The following NFU1 variants were observed in gnomAD, a reference collection of about 807,000 sequenced individuals.
NFU1 encodes NFU1 iron-sulfur cluster scaffold, also known as NFU1 iron-sulfur cluster scaffold homolog, mitochondrial.
In NFU1, 30 loss-of-function variants were observed where a neutral mutation model predicts 32.2. The observed-to-expected ratio is 0.93, with a 90% confidence interval of 0.70 to 1.26. The LOEUF is 1.26. NFU1 is among the 50% of genes most tolerant of loss of function. The pLI is 0.00. For synonymous variants in NFU1, 112 were observed against 104.6 expected (o/e 1.07, Z -0.43); for missense variants, 306 against 306.6 (o/e 1.00, Z 0.02).
At chr2:69,418,015 T>G (rs1174077264) in intron 4 of NFU1, among the ~76,000 whole-genome samples, 1 of 152,164 alleles carries the variant, frequency 6.6e-6, no homozygotes. Context: ...TTAGATAACA[T>G]ATGTAAAGCA....
intron 5 of NFU1, among the ~76,000 whole-genome samples, chr2:69,412,070 G>C (rs1672899292): frequency 6.6e-6 from 1 of 152,112 alleles, no homozygotes; most frequent in Non-Finnish European, 1.5e-5. Context: ...TTTTGGCGGG[G>C]GGACGGAGTC....
chr2:69,407,356 C>T (rs1020960454), intron 5 of NFU1, among the ~76,000 whole-genome samples: 2 of 152,058 alleles, frequency 1.3e-5, no homozygotes. Context: ...CTGGCAACCC[C>T]TAAAATTAAA....
At chr2:69,416,340 TA>T (rs1252768888) in intron 4 of NFU1, 2 of 145,944 alleles carry the variant, frequency 1.4e-5, no homozygotes, top group African/African-American at 5.1e-5. Context: ...AATATTTAAT[TA>T]ATTTAAATAT....
At chr2:69,413,950 G>C (rs1672972417) in intron 5 of NFU1, among the ~76,000 whole-genome samples, 1 of 151,574 alleles carries the variant, frequency 6.6e-6, no homozygotes, top group Non-Finnish European at 1.5e-5. Flanking sequence ...GGAAGGCTGA[G>C]GCAGGAGAAT....
chr2:69,396,719 TCTC>T (rs1438202949), intron 7 of NFU1, among the ~76,000 whole-genome samples: 1 of 152,168 alleles, frequency 6.6e-6, no homozygotes, highest in South Asian at 2.1e-4. Context: ...ATTGATCACT[TCTC>T]CTTGTCTCAA....
chr2:69,425,037 C>T (rs1010885924), intron 2 of NFU1, among the ~76,000 whole-genome samples: 12 of 151,814 alleles, frequency 7.9e-5, no homozygotes, highest in Admixed American at 3.9e-4. Flanking sequence ...CTGCCATGCC[C>T]GGCTAATTTT....
intron 4 of NFU1, among the ~76,000 whole-genome samples, chr2:69,416,781 C>G (rs1364114798): frequency 6.6e-6 from 1 of 152,026 alleles, no homozygotes; most frequent in Non-Finnish European, 1.5e-5. Flanking sequence ...GCCTGTAATC[C>G]CAGCTACTAG....
At chr2:69,413,559 G>C (rs941804789) in intron 5 of NFU1, among the ~76,000 whole-genome samples, 2 of 152,074 alleles carry the variant, frequency 1.3e-5, no homozygotes, top group Admixed American at 6.5e-5. Flanking sequence ...TCAGGAGTTC[G>C]GGATCAGCCC....
intron 2 of NFU1, among the ~76,000 whole-genome samples, chr2:69,426,912 T>A (rs938240040): frequency 1.6e-4 from 22 of 137,342 alleles, no homozygotes; most frequent in African/African-American, 6.0e-4. Context: ...ACTAAAAAAA[T>A]ACAAAAATTA....
Position 69,396,811 on chromosome 2 carries a change from G to A in NFU1, c.721-521C>T, listed in dbSNP as rs556004294. 2.3e-4 allele frequency among the ~76,000 whole-genome samples: 35 copies of A among 152,226 alleles called. 1 individual carries two copies. The highest frequency in any genetic ancestry group is 8.2e-4 in the African/African-American group (34 of 41,552). Reference sequence around the variant, plus strand: ...ACTGGGGCCAGGCGCGGTGGCTCACGCCTGTAATCCCAGCACTTTGGGAGG... The same window carrying A: ...ACTGGGGCCAGGCGCGGTGGCTCACACCTGTAATCCCAGCACTTTGGGAGG... On this transcript the variant is annotated intron_variant, in intron 7 of 7. Coordinates refer to ENST00000410022, the MANE Select transcript of NFU1 (RefSeq NM_001002755.4).
At chr2:69,418,267 G>A (rs1167243540) in intron 4 of NFU1, among the ~76,000 whole-genome samples, 7 of 152,098 alleles carry the variant, frequency 4.6e-5, no homozygotes, top group Admixed American at 4.6e-4. Flanking sequence ...GGACATGGTG[G>A]TATGCACGTA....
chr2:69,432,640 G>T (rs1169094618), intron 1 of NFU1, among the ~76,000 whole-genome samples: 2 of 151,712 alleles, frequency 1.3e-5, no homozygotes, highest in Non-Finnish European at 1.5e-5. Flanking sequence ...CAGACTCTTG[G>T]TTATACAGGA....
chr2:69,417,460 T>C (rs984679246), intron 4 of NFU1, among the ~76,000 whole-genome samples: 6 of 142,884 alleles, frequency 4.2e-5, no homozygotes, highest in African/African-American at 1.3e-4. Flanking sequence ...CTGGGCAACA[T>C]AGAAGGACAC....
chr2:69,400,467 A>G lies in NFU1; in HGVS notation c.617T>C (p.Leu206Pro). 2 of 1,614,114 alleles carry G rather than the reference A, an allele frequency of 1.2e-6. No individual in the cohort carries two copies. Among genetic ancestry groups the G allele is most frequent in the Non-Finnish European group, 1.7e-6 (2 of 1,179,942 alleles). The change falls in exon 7 of 8, where the codon CTC becomes CCC. Residue 206 changes from leucine (L) to proline (P), a missense_variant. Leu to Pro is a moderately conservative substitution (Grantham distance 98). Coordinates refer to ENST00000410022, the MANE Select transcript of NFU1 (RefSeq NM_001002755.4). ...AGGGCAGCTGGTACAAGAACCCTGGAGTTTCAGCTGTACAATGCCATCTTC... is the reference window on the plus strand; with the variant it reads ...AGGGCAGCTGGTACAAGAACCCTGGGGTTTCAGCTGTACAATGCCATCTTC... ...GFEDGIVQLK[L>P]QGSCTSCPSS...
At chr2:69,433,849 C>A (rs1187132148) in intron 1 of NFU1, among the ~76,000 whole-genome samples, 1 of 152,126 alleles carries the variant, frequency 6.6e-6, no homozygotes, top group African/African-American at 2.4e-5. Context: ...TCAGGGCTCA[C>A]TGCAGCCTCA....
intron 7 of NFU1, among the ~76,000 whole-genome samples, chr2:69,398,925 G>A (rs1672423192): frequency 6.6e-6 from 1 of 152,038 alleles, no homozygotes; most frequent in African/African-American, 2.4e-5. Flanking sequence ...AGAATTACCT[G>A]AGGTGGTCAG....
At chr2:69,438,854 T>TCTCCCATCCAAC (rs1477903736), upstream of NFU1, among the ~76,000 whole-genome samples, 1 of 114,222 alleles carries the variant, frequency 8.8e-6, no homozygotes, top group African/African-American at 5.9e-5. Context: ...CTAGTGATCT[T>TCTCCCATCCAAC]CCCCCATCCA....
At chr2:69,409,935 G>A (rs1200940827) in intron 5 of NFU1, among the ~76,000 whole-genome samples, 2 of 152,068 alleles carry the variant, frequency 1.3e-5, no homozygotes, top group Non-Finnish European at 2.9e-5. Context: ...GTATATATGT[G>A]TATATGCACA....
upstream of NFU1, chr2:69,437,662 C>T: frequency 1.6e-6 from 1 of 615,026 alleles, no homozygotes. Context: ...TCACGCAGCA[C>T]TGTGAACGCA....
Sources: gnomAD v4.1 joint callset for allele counts (sites outside exome capture counted in the v4.1 genomes callset) on GRCh38, gnomAD v4.1.1 for gene constraint, MANE v1.5 for transcripts, NCBI Gene and HGNC (gene_info 2026-07-23, HGNC 2026-07-21) for gene names.